The following GASK1A variants were observed in gnomAD, a reference collection of about 807,000 sequenced individuals.
GASK1A encodes the protein golgi associated kinase 1A.
A neutral mutation model predicts 41.2 loss-of-function variants in GASK1A; 40 were observed. The observed-to-expected ratio is 0.97, with a 90% CI of 0.75 to 1.27. GASK1A has a LOEUF of 1.27. Among genes scored for constraint, GASK1A ranks in the 50% most tolerant of loss-of-function variants. The pLI is 0.00. For synonymous variants in GASK1A, 316 were observed against 307.1 expected (o/e 1.03, Z -0.30); for missense variants, 678 against 745.1 (o/e 0.91, Z 1.05).
At chr3:43,013,723 C>G (rs1327899432) in intron 1 of GASK1A, among the ~76,000 whole-genome samples, 1 of 130,456 alleles carries the variant, frequency 7.7e-6, no homozygotes, top group Non-Finnish European at 1.7e-5. Context: ...AGTCACAGGA[C>G]AGGGTAGTGT....
In GASK1A at chr3:42,984,296, A is replaced by ATCTCTCTCTC. The variant is rs10628402; in HGVS notation, c.3+4659_3+4668dup. On this transcript the variant is annotated intron_variant, in intron 1 of 4. Coordinates refer to ENST00000430121, the MANE Select transcript of GASK1A (RefSeq NM_001129908.3). The surrounding 1 kb of genome is among the most constrained non-coding windows in gnomAD (Gnocchi z 4.2). ...CTTCTTTATGTGGATTTCACTTCCT[A>ATCTCTCTCTC]TCTCTCTCTCTCTCTCTTTCTCTCT... Among the ~76,000 whole-genome samples, 14 of 149,738 alleles carry ATCTCTCTCTC rather than the reference A, an allele frequency of 9.3e-5. No homozygotes were observed. Among genetic ancestry groups the ATCTCTCTCTC allele is most frequent in the Admixed American group, 5.3e-4 (8 of 15,010 alleles).
chr3:43,016,560 G>A (rs2089492385), intron 1 of GASK1A, among the ~76,000 whole-genome samples: 1 of 151,930 alleles, frequency 6.6e-6, no homozygotes, highest in Admixed American at 6.6e-5. Flanking sequence ...GCCACTGGAA[G>A]GGGCTGTGAG....
At chr3:43,040,821 C>G (rs996051870) in intron 2 of GASK1A, among the ~76,000 whole-genome samples, 7 of 149,308 alleles carry the variant, frequency 4.7e-5, no homozygotes, top group African/African-American at 1.7e-4. Context: ...CATGCTGGTG[C>G]GCTGCACCCA....
intron 2 of GASK1A, among the ~76,000 whole-genome samples, chr3:43,034,591 C>A (rs990807022): frequency 1.3e-5 from 2 of 152,192 alleles, no homozygotes; most frequent in Non-Finnish European, 2.9e-5. Context: ...TCTATAGAGA[C>A]CCCTGTTGAA....
Position 42,989,068 on chromosome 3 carries a change from C to T in GASK1A, c.3+9423C>T, listed in dbSNP as rs74724531. ...AGACCCAAATACAGTCAAACCATAACATTAGCGGGCCGTAATTTCAAAAAG... is the reference window on the plus strand; with the variant it reads ...AGACCCAAATACAGTCAAACCATAATATTAGCGGGCCGTAATTTCAAAAAG... On this transcript the variant is annotated intron_variant, in intron 1 of 4. Transcript: ENST00000430121. 5.2e-3 allele frequency among the ~76,000 whole-genome samples: 798 copies of T among 152,322 alleles called. 2 individuals are homozygous for T. Among genetic ancestry groups the T allele is most frequent in the African/African-American group, 0.018 (762 of 41,562 alleles).
Position 43,056,443 on chromosome 3 carries a change from C to T in GASK1A, c.*57C>T, listed in dbSNP as rs2089716996. On this transcript the variant is annotated 3_prime_UTR_variant, in exon 5 of 5. Transcript: ENST00000430121. ...ATCCTGATGGCCACATTTTCTTGGG[C>T]TCACTCATCTTGAGGACAAATGGGA... is the stretch of plus-strand genomic sequence containing the variant. 2.1e-6 allele frequency: 3 copies of T among 1,404,492 alleles called. No individual in the cohort carries two copies. The highest frequency in any genetic ancestry group is 2.9e-5 in the African/African-American group (2 of 69,310). 87.0% of individuals were successfully genotyped at this position (1,404,492 alleles called of 1,614,324 possible). A position where few individuals can be genotyped will look rare whatever the true frequency, so the allele number is the denominator to read the frequency against.
chr3:43,034,944 G>T (rs886138873), intron 2 of GASK1A, among the ~76,000 whole-genome samples: 2 of 152,148 alleles, frequency 1.3e-5, no homozygotes, highest in African/African-American at 4.8e-5. Context: ...CAGTCTGCCT[G>T]CAGATAAGTC....
In GASK1A at chr3:43,020,261, G is replaced by A. The variant is rs559816849; in HGVS notation, c.4-12006G>A. ...AGTACGAACTGTAAACTCTAAGTAC[G>A]GTCCTTTCCTCCAAGCGTTCCTGTT... On this transcript the variant is annotated intron_variant, in intron 1 of 4. Coordinates refer to ENST00000430121, the MANE Select transcript of GASK1A (RefSeq NM_001129908.3). Among the ~76,000 whole-genome samples the A allele has an allele frequency of 2.0e-5, 3 of 152,244 alleles. No homozygotes were observed. In the South Asian group the frequency reaches 6.2e-4, roughly 32 times the overall value.
intron 1 of GASK1A, among the ~76,000 whole-genome samples, chr3:42,987,531 C>A (rs2089318313): frequency 6.6e-6 from 1 of 152,086 alleles, no homozygotes; most frequent in South Asian, 2.1e-4. Flanking sequence ...CTCATCATAT[C>A]CCACAAAATG....
rs185522034 is a variant in GASK1A at position 43,033,400 on chromosome 3, C to A, written c.1137C>A (p.Ser379Arg). 3 of 1,551,460 alleles carry A rather than the reference C, an allele frequency of 1.9e-6. No homozygotes were observed. The African/African-American group carries it at 4.1e-5, about 21-fold the overall frequency. The change falls in exon 2 of 5, where the codon AGC becomes AGA. Residue 379 changes from serine (S) to arginine (R), a missense_variant. Transcript: ENST00000430121. ...GGGCACCCGATGTGCAGCACCTGAGCGACCCAGATGAGGATCAGAACTCTC... is the reference window on the plus strand; with the variant it reads ...GGGCACCCGATGTGCAGCACCTGAGAGACCCAGATGAGGATCAGAACTCTC... ...IWWAPDVQHLSDPDEDQNSLA... is the reference protein window; with the variant it reads ...IWWAPDVQHLRDPDEDQNSLA...
At chr3:43,035,990 GC>G (rs1454254936) in intron 2 of GASK1A, among the ~76,000 whole-genome samples, 1 of 152,224 alleles carries the variant, frequency 6.6e-6, no homozygotes, top group African/African-American at 2.4e-5. Flanking sequence ...AAAAGGGGAT[GC>G]CTGTAGGGGT....
In GASK1A at chr3:43,002,966, G is replaced by A. The variant is rs116017375; in HGVS notation, c.3+23321G>A. On this transcript the variant is annotated intron_variant, in intron 1 of 4. Coordinates refer to ENST00000430121, the MANE Select transcript of GASK1A (RefSeq NM_001129908.3). ...TTTTCTCTGATTTTCATTTCTGAAT[G>A]TTTGAGGATGACAGGTGTTCATTAT... Among the ~76,000 whole-genome samples, 546 of 152,226 alleles carry A rather than the reference G, an allele frequency of 3.6e-3. 5 individuals are homozygous for A. The highest frequency in any genetic ancestry group is 0.012 in the African/African-American group (518 of 41,528).
chr3:43,027,522 A>T (rs2089552320), intron 1 of GASK1A, among the ~76,000 whole-genome samples: 1 of 152,214 alleles, frequency 6.6e-6, no homozygotes, highest in Non-Finnish European at 1.5e-5. Context: ...ATAAACATTT[A>T]AAAAGATAAT....
chr3:43,048,115 T>C (rs1309975261), intron 2 of GASK1A, among the ~76,000 whole-genome samples: 2 of 152,102 alleles, frequency 1.3e-5, no homozygotes, highest in Non-Finnish European at 2.9e-5. Flanking sequence ...TGTGAGTCAG[T>C]GGTATAAAGG....
chr3:43,013,919 A>G (rs1236356435), intron 1 of GASK1A, among the ~76,000 whole-genome samples: 1 of 151,708 alleles, frequency 6.6e-6, no homozygotes, highest in Non-Finnish European at 1.5e-5. Context: ...TGGCTGTTGG[A>G]AGTCACAGGA....
intron 1 of GASK1A, among the ~76,000 whole-genome samples, chr3:43,019,719 T>A (rs1486551076): frequency 6.6e-6 from 1 of 151,792 alleles, no homozygotes; most frequent in Non-Finnish European, 1.5e-5. Context: ...GTCACACCTT[T>A]AGTGATGACT....
rs889287262 is a variant in GASK1A, at chr3:43,051,998, A to C, written c.1291-1523A>C. 3.3e-5 allele frequency among the ~76,000 whole-genome samples: 5 copies of C among 152,280 alleles called. 1 individual carries two copies. Among genetic ancestry groups the C allele is most frequent in the Admixed American group, 2.6e-4 (4 of 15,308 alleles). On this transcript the variant is annotated intron_variant, in intron 2 of 4. Transcript: ENST00000430121. ...CACCAGGCTCTTTTAGGAACTTAGT[A>C]CATTTTGCAGCCTGAGAGTTAGATA...
In GASK1A at chr3:43,026,061, G is replaced by A. The variant is rs79175047; in HGVS notation, c.4-6206G>A. On this transcript the variant is annotated intron_variant, in intron 1 of 4. Transcript: ENST00000430121. ...ATCTCAGAAAGCACCAATGAAATAT[G>A]CCGGAAGGTGAGTGACACACCTGAG... 5.4e-3 allele frequency among the ~76,000 whole-genome samples: 823 copies of A among 152,312 alleles called. 6 individuals carry two copies. Among genetic ancestry groups the A allele is most frequent in the African/African-American group, 0.019 (777 of 41,552 alleles).
intron 2 of GASK1A, among the ~76,000 whole-genome samples, chr3:43,040,985 T>C (rs893625335): frequency 6.7e-4 from 101 of 151,030 alleles, no homozygotes; most frequent in Middle Eastern, 3.2e-3. Flanking sequence ...TTTGGTTTTT[T>C]GTTCTTGCGA....
Sources: gnomAD v4.1 joint callset for allele counts (sites outside exome capture counted in the v4.1 genomes callset) on GRCh38, gnomAD v4.1.1 for gene constraint, Gnocchi (gnomAD v3.1) non-coding constraint, MANE v1.5 for transcripts, NCBI Gene and HGNC (gene_info 2026-07-23, HGNC 2026-07-21) for gene names.